The following PLXDC2 variants were observed in gnomAD, a reference collection of about 807,000 sequenced individuals.
The protein encoded by PLXDC2 is plexin domain containing 2.
In PLXDC2, 40 loss-of-function variants were observed where a neutral mutation model predicts 68.9. The ratio of observed to expected loss-of-function variants is 0.58; its 90% CI spans 0.45 to 0.76. The LOEUF is 0.76. PLXDC2 is among the 30% of genes least tolerant of loss of function. The pLI is 0.00. For synonymous variants in PLXDC2, 243 were observed against 234.2 expected, an observed-to-expected ratio of 1.04 and a Z score of -0.34; for missense variants, 644 against 661.9, an observed-to-expected ratio of 0.97 and a Z score of 0.30.
At chr10:20,253,553 G>A (rs1469253541) in intron 13 of PLXDC2, among the ~76,000 whole-genome samples, 3 of 151,840 alleles carry the variant, frequency 2.0e-5, no homozygotes, top group African/African-American at 7.3e-5. Flanking sequence ...TATTTCCAGG[G>A]CATCAAAATA....
chr10:20,168,770 G>T (rs1487115816), intron 7 of PLXDC2, among the ~76,000 whole-genome samples: 2 of 152,080 alleles, frequency 1.3e-5, no homozygotes, highest in South Asian at 2.1e-4. Context: ...ATGATTAGAA[G>T]CATAGCACAT....
chr10:20,064,676 A>T (rs1215280642), intron 3 of PLXDC2, among the ~76,000 whole-genome samples: 2 of 152,140 alleles, frequency 1.3e-5, no homozygotes, highest in Non-Finnish European at 2.9e-5. Context: ...TTCTTCCTGC[A>T]TTCATAATCT....
At chr10:20,065,836 G>T (rs890348171) in intron 3 of PLXDC2, among the ~76,000 whole-genome samples, 2 of 152,236 alleles carry the variant, frequency 1.3e-5, no homozygotes, top group Admixed American at 6.5e-5. Context: ...AAGCCATGGG[G>T]AGTGGCTGTA....
intron 1 of PLXDC2, among the ~76,000 whole-genome samples, chr10:20,000,155 TAAAA>T (rs1834909851): frequency 6.6e-6 from 1 of 152,150 alleles, no homozygotes; most frequent in Non-Finnish European, 1.5e-5. Flanking sequence ...AACAGTGTTA[TAAAA>T]AGAGATATTT....
chr10:19,943,941 G>A (rs1833859120), intron 1 of PLXDC2, among the ~76,000 whole-genome samples: 1 of 152,170 alleles, frequency 6.6e-6, no homozygotes, highest in Non-Finnish European at 1.5e-5. Flanking sequence ...TTGATAGAAT[G>A]TCGCCTTTGC....
chr10:20,219,296 G>A (rs1394214917), intron 12 of PLXDC2, among the ~76,000 whole-genome samples, 194 bp downstream of exon 12: 5 of 152,130 alleles, frequency 3.3e-5, no homozygotes, highest in African/African-American at 9.7e-5. Context: ...TTGTGTTTGT[G>A]TATAAAACTG....
chr10:20,006,447 C>T (rs570524005), intron 2 of PLXDC2, among the ~76,000 whole-genome samples: 27 of 152,196 alleles, frequency 1.8e-4, no homozygotes, highest in African/African-American at 6.5e-4. Flanking sequence ...TGTCTCGTAG[C>T]CCTGACTGCA....
intron 1 of PLXDC2, among the ~76,000 whole-genome samples, chr10:19,907,583 A>G (rs1833188436): frequency 2.0e-5 from 3 of 152,240 alleles, no homozygotes; most frequent in African/African-American, 7.2e-5. Flanking sequence ...GGAACATGAA[A>G]GCAATGGCAA....
intron 2 of PLXDC2, among the ~76,000 whole-genome samples, chr10:20,012,056 T>C (rs566520841): frequency 6.6e-5 from 10 of 152,324 alleles, no homozygotes; most frequent in Non-Finnish European, 2.9e-5. Context: ...TCTTGTGTCT[T>C]TGTCAAATAT....
chr10:19,837,333 C>T (rs867683528), intron 1 of PLXDC2, among the ~76,000 whole-genome samples: 6 of 151,576 alleles, frequency 4.0e-5, no homozygotes, highest in Middle Eastern at 3.4e-3. Flanking sequence ...ATAGATCATA[C>T]GGTTGTTTCT....
At chr10:20,279,564 C>T in intron 13 of PLXDC2, 139 bp from the exon 14 acceptor site, 1 of 686,636 alleles carries the variant, frequency 1.5e-6, no homozygotes. Context: ...ATTCTTAATT[C>T]TGACTGTAGC....
chr10:19,867,778 G>A (rs1353763741), intron 1 of PLXDC2, among the ~76,000 whole-genome samples: 5 of 152,220 alleles, frequency 3.3e-5, no homozygotes, highest in Admixed American at 6.5e-5. Flanking sequence ...CTCAATGTGC[G>A]AAGAAAGATC....
chr10:20,101,795 C>CTTT (rs78761647), intron 4 of PLXDC2, among the ~76,000 whole-genome samples: 83,556 of 149,104 alleles, frequency 0.56, 24,220 homozygotes, highest in East Asian at 0.97. Context: ...TTTTACCAAA[C>CTTT]TTTTTTTTTT....
intron 1 of PLXDC2, among the ~76,000 whole-genome samples, chr10:19,905,948 A>T (rs1352771775): frequency 6.6e-6 from 1 of 151,976 alleles, no homozygotes; most frequent in African/African-American, 2.4e-5. Flanking sequence ...TTTACTGTGA[A>T]TCTGTTATAT....
At chr10:20,166,197 G>A (rs568651219) in intron 7 of PLXDC2, among the ~76,000 whole-genome samples, 16 of 152,076 alleles carry the variant, frequency 1.1e-4, no homozygotes, top group Non-Finnish European at 2.1e-4. Context: ...TAAAGCAACG[G>A]ATTAGCAGAA....
intron 2 of PLXDC2, among the ~76,000 whole-genome samples, chr10:20,003,875 C>T (rs952086356): frequency 1.3e-5 from 2 of 152,184 alleles, no homozygotes. Context: ...ACTGCCAAGG[C>T]TGTGGTGTGG....
chr10:20,085,096 C>G (rs1353426811), intron 4 of PLXDC2, among the ~76,000 whole-genome samples: 2 of 151,382 alleles, frequency 1.3e-5, no homozygotes, highest in Non-Finnish European at 2.9e-5. Flanking sequence ...GTTGTTTTGT[C>G]CAATGGTACC....
intron 4 of PLXDC2, among the ~76,000 whole-genome samples, chr10:20,086,844 C>G (rs180882346): frequency 6.6e-6 from 1 of 152,220 alleles, no homozygotes; most frequent in South Asian, 2.1e-4. Context: ...AATGTAATTG[C>G]CAATCTGAAT....
chr10:20,232,549 A>G (rs1175931481), intron 12 of PLXDC2, among the ~76,000 whole-genome samples: 3 of 152,242 alleles, frequency 2.0e-5, no homozygotes, highest in Non-Finnish European at 4.4e-5. Context: ...CAGCAGAAAA[A>G]AAATATGAAC....
Sources: gnomAD v4.1 joint callset for allele counts (sites outside exome capture counted in the v4.1 genomes callset) on GRCh38, gnomAD v4.1.1 for gene constraint, MANE v1.5 for transcripts, NCBI Gene and HGNC (gene_info 2026-07-23, HGNC 2026-07-21) for gene names.